The following VAC14 variants were observed in gnomAD, a reference collection of about 807,000 sequenced individuals.
VAC14 encodes VAC14 component of PIKFYVE complex.
In VAC14, 47 loss-of-function variants were observed where a neutral mutation model predicts 85.3. The ratio of observed to expected loss-of-function variants is 0.55; its 90% CI spans 0.44 to 0.70. The LOEUF (loss-of-function observed/expected upper bound fraction) is 0.70. VAC14 is among the 30% of genes least tolerant of loss of function. VAC14 has a pLI of 0.00. For missense variants in VAC14, 861 were observed against 1,004.3 expected (o/e 0.86, Z 1.93); for synonymous variants, 447 against 430.5 (o/e 1.04, Z -0.47).
At chr16:70,735,409 T>C (rs2054719062) in intron 13 of VAC14, among the ~76,000 whole-genome samples, 1 of 152,006 alleles carries the variant, frequency 6.6e-6, no homozygotes, top group African/African-American at 2.4e-5. Flanking sequence ...TGCAGAACCA[T>C]CCAGAGTATT....
chr16:70,743,649 C>T (rs1035555118), intron 13 of VAC14, among the ~76,000 whole-genome samples: 2 of 152,214 alleles, frequency 1.3e-5, no homozygotes, highest in East Asian at 3.8e-4. Flanking sequence ...TCCGTGGCTT[C>T]ACTCTTGAAG....
chr16:70,702,512 C>G (rs1273702839), intron 14 of VAC14, among the ~76,000 whole-genome samples: 1 of 152,160 alleles, frequency 6.6e-6, no homozygotes, highest in Non-Finnish European at 1.5e-5. Flanking sequence ...AGAGGCTGCT[C>G]TGGGGCTGGC....
At position 70,784,210 on chromosome 16, in the gene VAC14, G is replaced by C; in HGVS notation, c.497C>G (p.Thr166Ser). 1 of 1,614,098 alleles carries C rather than the reference G, an allele frequency of 6.2e-7. No homozygotes were observed. The highest frequency in any genetic ancestry group is 8.5e-7 in the Non-Finnish European group (1 of 1,179,974). ...CACCAGGTCAAACTTGTTGCTCTCA[G>C]TCACAATGTCCTGTGGATCAGAGGA... ...LLDRLLKDIV[T>S]ESNKFDLVSF... The change falls in exon 5 of 19, where the codon ACT becomes AGT. Residue 166 changes from threonine (T) to serine (S), a missense_variant. Physicochemically the swap from Thr to Ser is moderately conservative, Grantham distance 58. Around this residue, in one of 3 missense-constraint regions of VAC14, gnomAD observed 629 missense variants for 703.1 expected, o/e 0.89. Transcript: ENST00000261776.
rs137978095 is a variant in VAC14, at chr16:70,777,126, G to A, written c.1096+3664C>T. Among the ~76,000 whole-genome samples, 4 of 151,996 alleles carry A rather than the reference G, an allele frequency of 2.6e-5. No homozygotes were observed. In the East Asian group the frequency reaches 7.8e-4, roughly 29 times the overall value. ...CTGGCCCCTAATTTTTGTATTTTTA[G>A]TAGAGACGGGGTTTCACCATGTTGG... On this transcript the variant is annotated intron_variant, in intron 9 of 18. Transcript: ENST00000261776.
intron 10 of VAC14, chr16:70,766,308 G>A (rs1177531092): frequency 2.8e-6 from 1 of 361,014 alleles, no homozygotes; most frequent in South Asian, 2.0e-5. Flanking sequence ...GTGGCCCTAA[G>A]ATGCTGCTGG....
chr16:70,738,697 G>C (rs1190843757), intron 13 of VAC14, among the ~76,000 whole-genome samples: 1 of 152,236 alleles, frequency 6.6e-6, no homozygotes, highest in African/African-American at 2.4e-5. Context: ...CTCAGGCTCA[G>C]GTGATTGGTG....
intron 12 of VAC14, chr16:70,761,302 A>C: frequency 3.2e-6 from 1 of 311,708 alleles, no homozygotes. Flanking sequence ...AGCCTCATCC[A>C]CTCTCTGCAG....
At chr16:70,800,734 TC>T in intron 1 of VAC14, 62 bp downstream of exon 1, 1 of 1,428,334 alleles carries the variant, frequency 7.0e-7, no homozygotes, top group Non-Finnish European at 9.8e-7. Flanking sequence ...GCGTGAGAAG[TC>T]CCCCTGGGGA....
At position 70,687,916 on chromosome 16, in the gene VAC14, G is replaced by T; in HGVS notation, c.*12C>A. ...GGGACCACTCGGTGGGCCCTCCTCC[G>T]TGCCAGGCCTGTCAGAGGACAACCC... is the stretch of plus-strand genomic sequence containing the variant. On this transcript the variant is annotated 3_prime_UTR_variant, in exon 19 of 19. Coordinates refer to ENST00000261776, the MANE Select transcript of VAC14 (RefSeq NM_018052.5). 1 of 1,522,408 alleles carries T rather than the reference G, an allele frequency of 6.6e-7. No individual in the cohort carries two copies. The highest frequency in any genetic ancestry group is 8.9e-7 in the Non-Finnish European group (1 of 1,128,698). 94.3% of individuals were successfully genotyped at this position (1,522,408 alleles called of 1,614,324 possible).
chr16:70,756,634 G>A (rs559710768), intron 12 of VAC14, among the ~76,000 whole-genome samples: 31 of 152,300 alleles, frequency 2.0e-4, no homozygotes, highest in African/African-American at 4.8e-4. Context: ...ACTCAGCAGA[G>A]GCTGGGACAG....
At chr16:70,724,223 C>A (rs1224862004) in intron 14 of VAC14, among the ~76,000 whole-genome samples, 1 of 152,202 alleles carries the variant, frequency 6.6e-6, no homozygotes, top group Non-Finnish European at 1.5e-5. Context: ...CATGTGGTAT[C>A]CATTTTGCAG....
chr16:70,753,050 G>GACAGAT (rs1421082198), intron 12 of VAC14, among the ~76,000 whole-genome samples: 8 of 150,704 alleles, frequency 5.3e-5, no homozygotes, highest in Admixed American at 5.3e-4. Flanking sequence ...GTGTGTGTCA[G>GACAGAT]ACAGATGGAC....
intron 10 of VAC14, chr16:70,769,852 T>C (rs62048010): frequency 0.035 from 5,340 of 152,220 alleles, 152 homozygotes; most frequent in Non-Finnish European, 0.055. Flanking sequence ...TCAATCCCCA[T>C]AGCCCAGATT....
intron 17 of VAC14, 82 bp from the exon 18 acceptor site, chr16:70,693,053 C>T (rs2142986171): frequency 1.3e-6 from 2 of 1,506,992 alleles, no homozygotes; most frequent in East Asian, 2.3e-5. Context: ...CTCCGACTGG[C>T]CAGGACCACC....
chr16:70,740,368 C>T (rs913701600), intron 13 of VAC14, among the ~76,000 whole-genome samples: 1 of 152,228 alleles, frequency 6.6e-6, no homozygotes, highest in Non-Finnish European at 1.5e-5. Flanking sequence ...TGGCCTCAGA[C>T]TGACACATTA....
chr16:70,737,076 A>G (rs1447507250), intron 13 of VAC14, among the ~76,000 whole-genome samples: 1 of 151,920 alleles, frequency 6.6e-6, no homozygotes, highest in East Asian at 1.9e-4. Context: ...CAGGAGGAGG[A>G]GATGGGTGGA....
At chr16:70,748,634 A>G (rs2031115147) in intron 12 of VAC14, among the ~76,000 whole-genome samples, 2 of 152,206 alleles carry the variant, frequency 1.3e-5, no homozygotes, top group African/African-American at 4.8e-5. Context: ...AGTGGTAGGC[A>G]GGGCCAGATC....
chr16:70,763,793 A>G (rs1307867786), intron 10 of VAC14, among the ~76,000 whole-genome samples: 1 of 152,184 alleles, frequency 6.6e-6, no homozygotes, highest in African/African-American at 2.4e-5. Context: ...CGGGTCCCCA[A>G]AGTTCTGCTA....
intron 13 of VAC14, among the ~76,000 whole-genome samples, chr16:70,732,405 C>T (rs1178169628): frequency 6.6e-6 from 1 of 152,190 alleles, no homozygotes; most frequent in Non-Finnish European, 1.5e-5. Context: ...CACCGAGGTA[C>T]AGATACCACC....
Sources: allele counts gnomAD v4.1 joint callset (sites outside exome capture counted in the v4.1 genomes callset), GRCh38; gene constraint gnomAD v4.1.1; regional missense constraint gnomAD v4.1.1; transcripts MANE v1.5; gene names NCBI Gene and HGNC (gene_info 2026-07-23, HGNC 2026-07-21).